P4HB: variants seen among roughly 807,000 people sequenced by gnomAD.
P4HB encodes prolyl 4-hydroxylase subunit beta, also known as protein disulfide-isomerase.
P4HB carries 20 observed loss-of-function variants against 52.6 expected under a neutral mutation model. That is an observed-to-expected ratio of 0.38 (90% CI 0.27 to 0.55). P4HB has a LOEUF of 0.55. Ranked by LOEUF, P4HB falls within the 20% of genes least tolerant of loss-of-function variation. P4HB has a pLI of 0.74. For synonymous variants in P4HB, 296 were observed against 277.9 expected (o/e 1.07, Z -0.65); for missense variants, 601 against 669.2 (o/e 0.90, Z 1.12).
chr17:81,856,271 A>C (rs1052136344), intron 2 of P4HB, among the ~76,000 whole-genome samples: 1 of 151,118 alleles, frequency 6.6e-6, no homozygotes, highest in African/African-American at 2.4e-5. Context: ...GGCTCAAGCA[A>C]TCCTCCTACC....
intron 8 of P4HB, 39 bp from the exon 9 acceptor site, chr17:81,845,781 A>G: frequency 6.2e-7 from 1 of 1,612,472 alleles, no homozygotes. Flanking sequence ...CCTGGACACA[A>G]AGCCACTGGC....
intron 2 of P4HB, among the ~76,000 whole-genome samples, chr17:81,858,137 TG>T (rs1339388323): frequency 2.6e-5 from 4 of 150,960 alleles, no homozygotes; most frequent in Non-Finnish European, 5.9e-5. Context: ...CCAGGCGTGG[TG>T]GTGCACACCT....
At position 81,845,888 on chromosome 17, in the gene P4HB, T is replaced by G; in HGVS notation, c.1160A>C (p.Asn387Thr). 6.2e-7 allele frequency: 1 copy of G among 1,613,500 alleles called. No homozygotes were observed. Among genetic ancestry groups the G allele is most frequent in the East Asian group, 2.2e-5 (1 of 44,860 alleles). The change falls in exon 8 of 11, where the codon AAC becomes ACC. Residue 387 changes from asparagine to threonine, a missense_variant. By Grantham distance (65) the Asn-to-Thr change is moderately conservative. Transcript: ENST00000331483. ...FEDVAFDEKK[N>T]VFVEFYAPWC... ...ACACTTACAGAACTCCACAAAGACG[T>G]TTTTTTTCTCATCAAAAGCCACGTC...
In P4HB at chr17:81,846,080, C is replaced by A; in HGVS notation, c.1057-89G>T. The A allele has an allele frequency of 7.0e-7, 1 of 1,431,742 alleles. No homozygotes were observed. The allele number at this position is 1,431,742 out of a possible 1,614,324, so 88.7% of individuals were successfully genotyped here. A position where few individuals can be genotyped will look rare whatever the true frequency, so the allele number is the denominator to read the frequency against. On this transcript the variant is annotated intron_variant, in intron 7 of 10. Coordinates refer to ENST00000331483, the MANE Select transcript of P4HB (RefSeq NM_000918.4). The surrounding 1 kb of genome is among the most constrained non-coding windows in gnomAD (Gnocchi z 5.7). Reference sequence around the variant, plus strand: ...CCTCACCCTGCCCGGGACTGAGGTGCGTGGCTGCCCTGGGCACACCAGGGT... The same window carrying A: ...CCTCACCCTGCCCGGGACTGAGGTGAGTGGCTGCCCTGGGCACACCAGGGT...
intron 2 of P4HB, among the ~76,000 whole-genome samples, chr17:81,858,629 G>A (rs1165571924): frequency 6.6e-6 from 1 of 152,200 alleles, no homozygotes; most frequent in Non-Finnish European, 1.5e-5. Flanking sequence ...CTGAGGGCCC[G>A]TGCTACAGAC....
At chr17:81,847,455 C>T in intron 4 of P4HB, 108 bp from the exon 5 acceptor site, 1 of 904,004 alleles carries the variant, frequency 1.1e-6, no homozygotes, top group Non-Finnish European at 1.8e-6. Context: ...GCCCTGCCCT[C>T]CCGTGGGGTT....
intron 4 of P4HB, among the ~76,000 whole-genome samples, chr17:81,849,779 C>A (rs1004302192): frequency 6.6e-5 from 10 of 152,148 alleles, no homozygotes; most frequent in Non-Finnish European, 1.5e-4. Flanking sequence ...TTTGGGTGAG[C>A]CTTCCATCAT....
intron 2 of P4HB, among the ~76,000 whole-genome samples, chr17:81,856,832 T>C (rs956397728): frequency 5.3e-5 from 8 of 151,558 alleles, no homozygotes; most frequent in Non-Finnish European, 7.4e-5. Context: ...GTATTTTTAG[T>C]AGAGACGGGG....
chr17:81,854,345 G>T (rs2038880681), intron 4 of P4HB, among the ~76,000 whole-genome samples: 1 of 150,504 alleles, frequency 6.6e-6, no homozygotes, highest in South Asian at 2.1e-4. Flanking sequence ...TTCAAGACCA[G>T]CCTGGACAAC....
rs2038728072 is a variant in P4HB at position 81,845,883 on chromosome 17, A to G, written c.1165T>C (p.Phe389Leu). Reference protein sequence around the residue: ...DVAFDEKKNVFVEFYAPWCGH... With the variant: ...DVAFDEKKNVLVEFYAPWCGH... ...GGGCAACACTTACAGAACTCCACAA[A>G]GACGTTTTTTTTCTCATCAAAAGCC... Residue 389 changes from phenylalanine (F) to leucine (L), a missense_variant, in exon 8 of 11, where the codon TTT becomes CTT. Coordinates refer to ENST00000331483, the MANE Select transcript of P4HB (RefSeq NM_000918.4). The G allele has an allele frequency of 6.2e-7, 1 of 1,613,974 alleles. No homozygotes were observed. Among genetic ancestry groups the G allele is most frequent in the African/African-American group, 1.3e-5 (1 of 75,048 alleles).
At chr17:81,845,772 C>T (rs762973761) in intron 8 of P4HB, 30 bp from the exon 9 acceptor site, 8 of 1,612,814 alleles carry the variant, frequency 5.0e-6, no homozygotes, top group East Asian at 2.2e-5. Context: ...AGGGTGTGTC[C>T]TGGACACAAA....
In P4HB at chr17:81,859,282, G is replaced by A. The variant is rs2038961243; in HGVS notation, c.251C>T (p.Ala84Val). 6.2e-7 allele frequency: 1 copy of A among 1,614,004 alleles called. No individual in the cohort carries two copies. Among genetic ancestry groups the A allele is most frequent in the Admixed American group, 1.7e-5 (1 of 60,018 alleles). The change falls in exon 2 of 11, where the codon GCC (alanine) becomes GTC (valine). Residue 84 changes from alanine (A) to valine (V), a missense_variant. Transcript: ENST00000331483. ...GSEIRLAKVD[A>V]TEESDLAQQY... ...CTGGGCCAGGTCAGACTCCTCCGTGGCGTCCACCTTGGCCAACCTGATCTC... is the reference window on the plus strand; with the variant it reads ...CTGGGCCAGGTCAGACTCCTCCGTGACGTCCACCTTGGCCAACCTGATCTC...
In P4HB at chr17:81,845,604, C is replaced by G. The variant is rs2038722601; in HGVS notation, c.1316G>C (p.Ser439Thr). ...AGGAAAGAACTTGAGTGTGGGGAAG[C>G]TGTGCACTTTGACGGCCTCCACCTC... ...ANEVEAVKVHSFPTLKFFPAS... is the reference protein window; with the variant it reads ...ANEVEAVKVHTFPTLKFFPAS... The change falls in exon 9 of 11, where the codon AGC becomes ACC. Residue 439 changes from serine to threonine, a missense_variant. Physicochemically the swap from Ser to Thr is moderately conservative, Grantham distance 58. Coordinates refer to ENST00000331483, the MANE Select transcript of P4HB (RefSeq NM_000918.4). 1.2e-6 allele frequency: 2 copies of G among 1,612,314 alleles called. No homozygotes were observed. Among genetic ancestry groups the G allele is most frequent in the Non-Finnish European group, 1.7e-6 (2 of 1,178,826 alleles).
At chr17:81,847,193 C>A in intron 5 of P4HB, 50 bp downstream of exon 5, 1 of 1,604,554 alleles carries the variant, frequency 6.2e-7, no homozygotes, top group Non-Finnish European at 8.5e-7. Context: ...CATGCCACCC[C>A]CAACCCACTC....
chr17:81,859,495 T>C lies in P4HB; in HGVS notation c.146-108A>G, dbSNP rs554730863. ...CTGGCATTTCCCTTCATAAAAACCT[T>C]ATCTACTCACCAAGATAACCCCTCC... is the stretch of plus-strand genomic sequence containing the variant. On this transcript the variant is annotated intron_variant, in intron 1 of 10. Transcript: ENST00000331483. 24 of 961,866 alleles carry C rather than the reference T, an allele frequency of 2.5e-5. No individual in the cohort carries two copies. In the Admixed American group the frequency reaches 4.2e-4, roughly 17 times the overall value. The allele number at this position is 961,866 out of a possible 1,614,324, so 59.6% of individuals were successfully genotyped here.
At chr17:81,856,891 G>A (rs534062840) in intron 2 of P4HB, among the ~76,000 whole-genome samples, 458 of 151,492 alleles carry the variant, frequency 3.0e-3, no homozygotes, top group Non-Finnish European at 4.8e-3. Flanking sequence ...CTCGTGATCC[G>A]CCCGCCTCGG....
In P4HB at chr17:81,846,074, G is replaced by A. The variant is rs537224834; in HGVS notation, c.1057-83C>T. ...CCCAACCCTCACCCTGCCCGGGACT[G>A]AGGTGCGTGGCTGCCCTGGGCACAC... On this transcript the variant is annotated intron_variant, in intron 7 of 10. Coordinates refer to ENST00000331483, the MANE Select transcript of P4HB (RefSeq NM_000918.4). This position sits in a 1 kb window ranked among gnomAD's most constrained non-coding sequence, Gnocchi z 5.7. 1.9e-5 allele frequency: 27 copies of A among 1,455,282 alleles called. No individual in the cohort carries two copies. The Admixed American group carries it at 6.0e-4, about 32-fold the overall frequency. The allele number at this position is 1,455,282 out of a possible 1,614,324, so 90.1% of individuals were successfully genotyped here.
chr17:81,851,798 G>A (rs906706929), intron 4 of P4HB, among the ~76,000 whole-genome samples: 10 of 152,170 alleles, frequency 6.6e-5, no homozygotes, highest in African/African-American at 2.4e-4. Context: ...ACTCAATCAC[G>A]GTCTACTGCG....
chr17:81,847,487 G>A, intron 4 of P4HB, 140 bp from the exon 5 acceptor site: 1 of 715,972 alleles, frequency 1.4e-6, no homozygotes, highest in Non-Finnish European at 2.6e-6. Context: ...GTCCAGCAAT[G>A]GGTACAGGAC....
Sources: allele counts gnomAD v4.1 joint callset (sites outside exome capture counted in the v4.1 genomes callset), GRCh38; gene constraint gnomAD v4.1.1; non-coding constraint Gnocchi (gnomAD v3.1); transcripts MANE v1.5; gene names NCBI Gene and HGNC (gene_info 2026-07-23, HGNC 2026-07-21).